CNTN5: variants seen among roughly 807,000 people sequenced by gnomAD.
CNTN5 encodes the protein contactin 5, also known as contactin-5.
In CNTN5, 77 loss-of-function variants were observed where a neutral mutation model predicts 129.1. The ratio of observed to expected loss-of-function variants is 0.60; its 90% CI spans 0.50 to 0.72. CNTN5 has a LOEUF of 0.72. Among genes scored for constraint, CNTN5 ranks in the 30% least tolerant of loss-of-function variants. The pLI, the probability that CNTN5 is intolerant of heterozygous loss-of-function variation, is 0.00. For missense variants in CNTN5, 1,478 were observed against 1,328.8 expected, an observed-to-expected ratio of 1.11 and a Z score of -1.75; for synonymous variants, 509 against 465.6, an observed-to-expected ratio of 1.09 and a Z score of -1.20.
chr11:99,611,800 T>C (rs969812956), intron 3 of CNTN5, among the ~76,000 whole-genome samples: 1 of 152,214 alleles, frequency 6.6e-6, no homozygotes, highest in Non-Finnish European at 1.5e-5. Flanking sequence ...GGAAAAGTTG[T>C]CTTAACAGCC....
intron 15 of CNTN5, among the ~76,000 whole-genome samples, chr11:100,197,146 C>A (rs900315687): frequency 6.6e-6 from 1 of 151,830 alleles, no homozygotes; most frequent in African/African-American, 2.4e-5. Flanking sequence ...AGAGCGAGCA[C>A]GTTGGGCAAA....
At chr11:99,391,385 G>A (rs931599745) in intron 2 of CNTN5, among the ~76,000 whole-genome samples, 1 of 152,054 alleles carries the variant, frequency 6.6e-6, no homozygotes, top group African/African-American at 2.4e-5. Flanking sequence ...TGTGGAGAGA[G>A]TTTTAGGTCG....
At chr11:99,056,643 A>G (rs1864635768) in intron 1 of CNTN5, among the ~76,000 whole-genome samples, 1 of 151,994 alleles carries the variant, frequency 6.6e-6, no homozygotes, top group South Asian at 2.1e-4. Context: ...GGAACATAAG[A>G]TTGGCTGAAC....
chr11:99,996,938 G>A (rs1395249022), intron 8 of CNTN5, among the ~76,000 whole-genome samples: 1 of 151,936 alleles, frequency 6.6e-6, no homozygotes, highest in East Asian at 1.9e-4. Context: ...TGGCATGTGG[G>A]GATTACCATT....
At chr11:99,908,124 T>A (rs979818598) in intron 6 of CNTN5, among the ~76,000 whole-genome samples, 1 of 152,050 alleles carries the variant, frequency 6.6e-6, no homozygotes, top group African/African-American at 2.4e-5. Flanking sequence ...TGTTTTTGTT[T>A]TTTTACACTT....
chr11:99,720,537 G>A (rs1943138246), intron 3 of CNTN5, among the ~76,000 whole-genome samples: 1 of 151,972 alleles, frequency 6.6e-6, no homozygotes, highest in Admixed American at 6.6e-5. Context: ...CAAACCCCTG[G>A]CCAACATTAT....
At chr11:99,865,347 A>G (rs529543147) in intron 6 of CNTN5, among the ~76,000 whole-genome samples, 1 of 152,212 alleles carries the variant, frequency 6.6e-6, no homozygotes, top group Non-Finnish European at 1.5e-5. Context: ...TATCAGATTA[A>G]CAAAAAAAAT....
At position 99,765,757 on chromosome 11, in the gene CNTN5, A is replaced by C. The variant is rs149112891; in HGVS notation, c.56-53787A>C. On this transcript the variant is annotated intron_variant, in intron 3 of 24. Transcript: ENST00000524871. ...TTTCTGTTGTTAATGGTGAGATATG[A>C]GTCCTAGAGAAGCCCTCTAGAAGGG... 1.3e-3 allele frequency among the ~76,000 whole-genome samples: 193 copies of C among 151,750 alleles called. 1 individual carries two copies. The highest frequency in any genetic ancestry group is 4.6e-3 in the African/African-American group (189 of 41,440).
chr11:99,179,925 G>A (rs183846632), intron 1 of CNTN5, among the ~76,000 whole-genome samples: 33 of 152,092 alleles, frequency 2.2e-4, no homozygotes, highest in Middle Eastern at 3.4e-3. Context: ...TTCAGTTTGC[G>A]TTTTTGTATT....
chr11:99,717,112 A>G lies in CNTN5; in HGVS notation c.56-102432A>G, dbSNP rs982695503. Reference sequence around the variant, plus strand: ...ACAAATTGTATATTGTATATACAGTATATTTTATTTGCTATTTTCAGATGT... The same window carrying G: ...ACAAATTGTATATTGTATATACAGTGTATTTTATTTGCTATTTTCAGATGT... On this transcript the variant is annotated intron_variant, in intron 3 of 24. Transcript: ENST00000524871. Among the ~76,000 whole-genome samples the G allele has an allele frequency of 2.6e-5, 4 of 152,062 alleles. No individual in the cohort carries two copies. The South Asian group carries it at 6.2e-4, about 24-fold the overall frequency.
rs1334428242 is a variant in CNTN5 at position 100,026,214 on chromosome 11, C to G, written c.980+24078C>G. ...AGATCTGAGGGTTTTATAAGGGGCTCTTCCCACTTTGCTCCACACTTCTTC... is the reference window on the plus strand; with the variant it reads ...AGATCTGAGGGTTTTATAAGGGGCTGTTCCCACTTTGCTCCACACTTCTTC... On this transcript the variant is annotated intron_variant, in intron 9 of 24. Transcript: ENST00000524871. 3.9e-5 allele frequency among the ~76,000 whole-genome samples: 6 copies of G among 152,022 alleles called. No individual in the cohort carries two copies. The East Asian group carries it at 1.2e-3, about 29-fold the overall frequency.
chr11:99,579,271 C>A (rs2135603159), intron 3 of CNTN5, among the ~76,000 whole-genome samples: 1 of 151,132 alleles, frequency 6.6e-6, no homozygotes, highest in Non-Finnish European at 1.5e-5. Context: ...CGTGATGCCT[C>A]CAGCTTTGTT....
intron 3 of CNTN5, among the ~76,000 whole-genome samples, chr11:99,793,653 G>A (rs528163040): frequency 1.3e-5 from 2 of 152,150 alleles, no homozygotes; most frequent in African/African-American, 4.8e-5. Context: ...AAAATTCCTT[G>A]ATTTCTGTCT....
At chr11:99,324,190 G>A (rs563422108) in intron 1 of CNTN5, among the ~76,000 whole-genome samples, 4 of 152,276 alleles carry the variant, frequency 2.6e-5, no homozygotes, top group South Asian at 2.1e-4. Flanking sequence ...ACAACTACAA[G>A]CAACTGAAAT....
chr11:99,698,592 A>G (rs2134848917), intron 3 of CNTN5, among the ~76,000 whole-genome samples: 1 of 151,622 alleles, frequency 6.6e-6, no homozygotes, highest in Non-Finnish European at 1.5e-5. Context: ...TAACACTTCT[A>G]AAATATATTT....
intron 3 of CNTN5, among the ~76,000 whole-genome samples, chr11:99,811,486 CTA>C (rs1565557998): frequency 2.0e-5 from 3 of 147,388 alleles, no homozygotes; most frequent in Non-Finnish European, 4.5e-5. Context: ...AATATTATAA[CTA>C]TTATATTTAT....
intron 6 of CNTN5, among the ~76,000 whole-genome samples, chr11:99,893,112 C>T (rs1367978625): frequency 6.6e-6 from 1 of 152,094 alleles, no homozygotes; most frequent in Non-Finnish European, 1.5e-5. Context: ...TAAAAATTAA[C>T]CACTCCACAG....
intron 13 of CNTN5, among the ~76,000 whole-genome samples, chr11:100,136,011 C>T (rs891133559): frequency 4.9e-4 from 75 of 152,180 alleles, no homozygotes; most frequent in African/African-American, 1.8e-3. Context: ...AAGTTCAGTG[C>T]TATGTTCAGG....
chr11:99,818,605 GCT>G (rs1350114730), intron 3 of CNTN5, among the ~76,000 whole-genome samples: 3 of 152,114 alleles, frequency 2.0e-5, no homozygotes, highest in Non-Finnish European at 2.9e-5. Context: ...AAATTGTCCA[GCT>G]TAATTGATAC....
Sources: allele counts gnomAD v4.1 joint callset (sites outside exome capture counted in the v4.1 genomes callset), GRCh38; gene constraint gnomAD v4.1.1; transcripts MANE v1.5; gene names NCBI Gene and HGNC (gene_info 2026-07-23, HGNC 2026-07-21).